Variants in RNF169 observed in about 807,000 individuals in gnomAD.
RNF169 encodes ring finger protein 169.
RNF169 carries 24 observed loss-of-function variants against 53.9 expected under a neutral mutation model. The observed-to-expected ratio is 0.45, with a 90% CI of 0.32 to 0.63. The LOEUF is 0.63. RNF169 is among the 20% of genes least tolerant of loss of function. The pLI is 0.04. For missense variants in RNF169, 883 were observed against 906.2 expected (o/e 0.97, Z 0.33); for synonymous variants, 396 against 363.5 (o/e 1.09, Z -1.02).
intron 4 of RNF169, among the ~76,000 whole-genome samples, chr11:74,827,541 C>T (rs2036116561): frequency 6.6e-6 from 1 of 152,190 alleles, no homozygotes; most frequent in Admixed American, 6.5e-5. Context: ...AACATTTATG[C>T]TCTGCTTTCC....
At chr11:74,795,137 C>T (rs2035628840) in intron 2 of RNF169, among the ~76,000 whole-genome samples, 1 of 150,426 alleles carries the variant, frequency 6.6e-6, no homozygotes, top group Non-Finnish European at 1.5e-5. Flanking sequence ...ATAATACAAT[C>T]TATTTGGTGA....
intron 4 of RNF169, among the ~76,000 whole-genome samples, chr11:74,820,436 A>G (rs2035993816): frequency 6.6e-6 from 1 of 151,960 alleles, no homozygotes; most frequent in Non-Finnish European, 1.5e-5. Context: ...GATGGAGGAA[A>G]TGAGGCCAGG....
chr11:74,765,806 C>CAAAAAAAAAAAAAAAAAAAAA (rs35483204), intron 1 of RNF169, among the ~76,000 whole-genome samples: 1 of 108,978 alleles, frequency 9.2e-6, no homozygotes. Context: ...GGCAACATCT[C>CAAAAAAAAAAAAAAAAAAAAA]AAAAAAAAAA....
chr11:74,789,668 A>G lies in RNF169; in HGVS notation c.545A>G (p.Glu182Gly). The change falls in exon 2 of 6, where the codon GAA becomes GGA. Residue 182 changes from glutamate (E) to glycine (G), a missense_variant. Coordinates refer to ENST00000299563, the MANE Select transcript of RNF169 (RefSeq NM_001098638.2). ...RAPIKLSKPG[E>G]LREEYESLRK... ...CCAATCAAATTAAGCAAGCCTGGGG[A>G]ACTTCGTGAGGAATATGAAAGCTTG... The G allele has an allele frequency of 6.2e-7, 1 of 1,608,946 alleles. No individual in the cohort carries two copies. Among genetic ancestry groups the G allele is most frequent in the Non-Finnish European group, 8.5e-7 (1 of 1,175,846 alleles).
chr11:74,770,798 C>T (rs11828819), intron 1 of RNF169, among the ~76,000 whole-genome samples: 3,640 of 152,092 alleles, frequency 0.024, 122 homozygotes, highest in African/African-American at 0.084. Context: ...ATGCATTTTT[C>T]GTTTTGTTTT....
At chr11:74,807,166 G>A (rs1487303698) in intron 2 of RNF169, among the ~76,000 whole-genome samples, 1 of 152,060 alleles carries the variant, frequency 6.6e-6, no homozygotes, top group Non-Finnish European at 1.5e-5. Flanking sequence ...TTAGCTCTAT[G>A]GCTTTTCTGT....
At chr11:74,792,747 G>A (rs2035596111) in intron 2 of RNF169, among the ~76,000 whole-genome samples, 1 of 152,150 alleles carries the variant, frequency 6.6e-6, no homozygotes, top group African/African-American at 2.4e-5. Context: ...GAAACCTTGA[G>A]GAACTGTCAT....
intron 2 of RNF169, among the ~76,000 whole-genome samples, chr11:74,795,251 A>C (rs1171485631): frequency 3.0e-5 from 4 of 131,910 alleles, no homozygotes; most frequent in Non-Finnish European, 6.2e-5. Context: ...ACAGGGTCTC[A>C]CTCTATCACC....
intron 1 of RNF169, among the ~76,000 whole-genome samples, chr11:74,767,982 G>A (rs2035200343): frequency 6.6e-6 from 1 of 152,120 alleles, no homozygotes; most frequent in South Asian, 2.1e-4. Context: ...CCCAGCCACT[G>A]TCTTTGCTTT....
intron 2 of RNF169, among the ~76,000 whole-genome samples, chr11:74,795,168 G>A (rs1009783373): frequency 6.6e-6 from 1 of 150,754 alleles, no homozygotes; most frequent in Non-Finnish European, 1.5e-5. Context: ...CCACTGAACA[G>A]CATATTTTTT....
intron 2 of RNF169, among the ~76,000 whole-genome samples, chr11:74,802,056 G>C (rs2035738953): frequency 6.6e-6 from 1 of 152,196 alleles, no homozygotes; most frequent in Non-Finnish European, 1.5e-5. Flanking sequence ...CCGTGAGACT[G>C]TATGGTTCTA....
intron 4 of RNF169, among the ~76,000 whole-genome samples, chr11:74,827,865 C>T (rs1271361782): frequency 6.6e-6 from 1 of 152,186 alleles, no homozygotes; most frequent in Non-Finnish European, 1.5e-5. Flanking sequence ...GACAGACCCA[C>T]AGCCAATACC....
At chr11:74,765,324 T>C (rs2035155836) in intron 1 of RNF169, among the ~76,000 whole-genome samples, 1 of 152,210 alleles carries the variant, frequency 6.6e-6, no homozygotes, top group Non-Finnish European at 1.5e-5. Flanking sequence ...ATATGCAACA[T>C]TTACGTAATT....
In RNF169 at chr11:74,837,477, C is replaced by CT. The variant is rs1472395549; in HGVS notation, c.*748dup. The CT allele has an allele frequency of 6.6e-6, 1 of 152,208 alleles. No homozygotes were observed. Among genetic ancestry groups the CT allele is most frequent in the Non-Finnish European group, 1.5e-5 (1 of 68,046 alleles). The allele number at this position is 152,208 out of a possible 1,614,324, so 9.4% of individuals were successfully genotyped here. On this transcript the variant is annotated 3_prime_UTR_variant, in exon 6 of 6. Transcript: ENST00000299563. The stretch of plus-strand genomic sequence containing the variant: ...AAAGGTTTCCCAAATAGATCACAAC[C>CT]TAAGGGTGTGCCAGGGGAGCCTAGG...
chr11:74,772,624 C>T (rs879533346), intron 1 of RNF169, among the ~76,000 whole-genome samples: 1 of 151,924 alleles, frequency 6.6e-6, no homozygotes, highest in Non-Finnish European at 1.5e-5. Context: ...TTGAGTAGAG[C>T]GTTTAGCTTT....
chr11:74,809,437 C>T (rs1417082356), intron 2 of RNF169, among the ~76,000 whole-genome samples: 2 of 152,280 alleles, frequency 1.3e-5, no homozygotes, highest in Middle Eastern at 3.4e-3. Flanking sequence ...CCTTTGCTCA[C>T]GGTCACCAAG....
chr11:74,761,905 A>G (rs1171477707), intron 1 of RNF169, among the ~76,000 whole-genome samples: 3 of 149,248 alleles, frequency 2.0e-5, no homozygotes, highest in Admixed American at 6.7e-5. Flanking sequence ...GTGTTTTCCA[A>G]CTTGGTTCCA....
intron 2 of RNF169, among the ~76,000 whole-genome samples, chr11:74,796,443 A>G (rs112008587): frequency 1.9e-3 from 294 of 152,370 alleles, no homozygotes; most frequent in Admixed American, 2.9e-3. Flanking sequence ...TTCAGTTTAT[A>G]TAAGACTTAG....
At position 74,836,419 on chromosome 11, in the gene RNF169, C is replaced by T. The variant is rs775201880; in HGVS notation, c.1816C>T (p.Leu606=). 6.2e-7 allele frequency: 1 copy of T among 1,614,156 alleles called. No individual in the cohort carries two copies. Among genetic ancestry groups the T allele is most frequent in the South Asian group, 1.1e-5 (1 of 91,082 alleles). The change falls in exon 6 of 6, where the codon CTA becomes TTA. Residue 606 remains leucine (L), a synonymous_variant. Transcript: ENST00000299563. ...TCATTTTGATCTGACTAATGGTGTT[C>T]TAGTTGAGAGCCTAAGTGAAGAGCC... ...LNHFDLTNGV[L]VESLSEEPLP...
Sources: allele counts gnomAD v4.1 joint callset (sites outside exome capture counted in the v4.1 genomes callset), GRCh38; gene constraint gnomAD v4.1.1; transcripts MANE v1.5; gene names NCBI Gene and HGNC (gene_info 2026-07-23, HGNC 2026-07-21).